OPRM1: variants seen among roughly 807,000 people sequenced by gnomAD.
The protein encoded by OPRM1 is opioid receptor mu 1, also known as mu-type opioid receptor.
In OPRM1, 27 loss-of-function variants were observed where a neutral mutation model predicts 31.8. That is an observed-to-expected ratio of 0.85 (90% CI 0.63 to 1.17). The LOEUF is 1.17. OPRM1 is among the 50% of genes most tolerant of loss of function. The pLI is 0.00. For missense variants in OPRM1, 536 were observed against 511.1 expected (o/e 1.05, Z -0.47); for synonymous variants, 196 against 189.9 (o/e 1.03, Z -0.26).
intron 1 of OPRM1, among the ~76,000 whole-genome samples, chr6:154,053,184 A>T (rs900466838): frequency 1.3e-5 from 2 of 152,232 alleles, no homozygotes; most frequent in Non-Finnish European, 2.9e-5. Context: ...TATCTTAAGT[A>T]AGTGCAGTTT....
chr6:154,157,111 C>T (rs1798748311), intron 3 of OPRM1: 1 of 152,172 alleles, frequency 6.6e-6, no homozygotes, highest in African/African-American at 2.4e-5. Flanking sequence ...TGAAAGTAAT[C>T]CAGTTTTCCC....
intron 3 of OPRM1, among the ~76,000 whole-genome samples, chr6:154,206,074 T>C (rs1039280662): frequency 2.2e-4 from 34 of 152,132 alleles, no homozygotes; most frequent in Admixed American, 2.0e-4. Flanking sequence ...GGCACCCCCA[T>C]ATTGGTAACA....
In OPRM1 at chr6:154,016,399, T is replaced by C. The variant is rs1778005564; in HGVS notation, c.-1+5381T>C. 2.0e-5 allele frequency among the ~76,000 whole-genome samples: 3 copies of C among 152,182 alleles called. No homozygotes were observed. In the South Asian group the frequency reaches 6.2e-4, roughly 31 times the overall value. On this transcript the variant is annotated intron_variant, in intron 1 of 5. Transcript: ENST00000434900. ...AGGGAGGAGATAAAATTGTGTAGTGTGACAACAATTACCTAAGGATAGAAG... is the reference window on the plus strand; with the variant it reads ...AGGGAGGAGATAAAATTGTGTAGTGCGACAACAATTACCTAAGGATAGAAG...
At chr6:154,025,389 C>G (rs1778637786) in intron 1 of OPRM1, among the ~76,000 whole-genome samples, 1 of 151,852 alleles carries the variant, frequency 6.6e-6, no homozygotes, top group Non-Finnish European at 1.5e-5. Context: ...CTTTTTCTAT[C>G]TTTTTATTGT....
At chr6:154,031,607 C>T (rs1474592711) in intron 1 of OPRM1, among the ~76,000 whole-genome samples, 3 of 151,880 alleles carry the variant, frequency 2.0e-5, no homozygotes, top group African/African-American at 2.4e-5. Flanking sequence ...TGGGCATAGT[C>T]GTGCACGCCT....
rs377632201 is a variant in OPRM1, at chr6:154,128,565, T to C, written c.*9844T>C. Among the ~76,000 whole-genome samples, 17 of 152,196 alleles carry C rather than the reference T, an allele frequency of 1.1e-4. No individual in the cohort carries two copies. The East Asian group carries it at 1.2e-3, about 10-fold the overall frequency. ...AATATGGGCACCTCTTTTAATTCTT[T>C]TTTTTCTCATAATAAGTTTGAAACT... On this transcript the variant is annotated 3_prime_UTR_variant, in exon 4 of 4. Transcript: ENST00000330432.
At chr6:154,042,146 G>C (rs1228159548) in intron 1 of OPRM1, among the ~76,000 whole-genome samples, 2 of 152,178 alleles carry the variant, frequency 1.3e-5, no homozygotes, top group Non-Finnish European at 2.9e-5. Flanking sequence ...CCTGTGGCAG[G>C]CTGGGTTTTA....
At chr6:154,224,380 A>C (rs533864565) in intron 3 of OPRM1, among the ~76,000 whole-genome samples, 1 of 152,200 alleles carries the variant, frequency 6.6e-6, no homozygotes, top group African/African-American at 2.4e-5. Context: ...AACTTATCTA[A>C]ATTATTCACC....
At chr6:154,244,996 G>A (rs535984621) in intron 3 of OPRM1, among the ~76,000 whole-genome samples, 1 of 152,060 alleles carries the variant, frequency 6.6e-6, no homozygotes, top group African/African-American at 2.4e-5. Flanking sequence ...CAAAACAAAG[G>A]CCTGAAATAA....
chr6:154,184,388 GCA>G (rs1337599188), intron 3 of OPRM1, among the ~76,000 whole-genome samples: 2 of 151,974 alleles, frequency 1.3e-5, no homozygotes, highest in East Asian at 3.9e-4. Context: ...AGAAAATGAT[GCA>G]GTTATCAAAA....
chr6:154,050,600 G>A (rs1781995653), intron 1 of OPRM1, among the ~76,000 whole-genome samples: 1 of 151,994 alleles, frequency 6.6e-6, no homozygotes, highest in Admixed American at 6.6e-5. Context: ...ACCAGAGGCT[G>A]GAAAGGGTAG....
At chr6:154,057,429 A>G (rs1011487295) in intron 1 of OPRM1, among the ~76,000 whole-genome samples, 1 of 152,226 alleles carries the variant, frequency 6.6e-6, no homozygotes, top group African/African-American at 2.4e-5. Flanking sequence ...ACAGTATCAG[A>G]AAAACACTGT....
rs377175000 is a variant in OPRM1, at chr6:154,145,384, C to T, written c.1164+53912C>T. ...TGTTTGCAACGGACACATGGACAGCCAAATTAAATATACAATGCCATTTAC... is the reference window on the plus strand; with the variant it reads ...TGTTTGCAACGGACACATGGACAGCTAAATTAAATATACAATGCCATTTAC... On this transcript the variant is annotated intron_variant, in intron 3 of 3. Transcript: ENST00000337049. 8.0e-4 allele frequency among the ~76,000 whole-genome samples: 122 copies of T among 152,234 alleles called. 2 individuals are homozygous for T. The South Asian group carries it at 0.024, about 29-fold the overall frequency.
chr6:154,046,393 G>T (rs1357699979), intron 1 of OPRM1, among the ~76,000 whole-genome samples: 1 of 152,196 alleles, frequency 6.6e-6, no homozygotes, highest in Non-Finnish European at 1.5e-5. Context: ...TGTGTGCCAT[G>T]TAAAGGAAAT....
chr6:154,037,944 AAG>A (rs1199173767), upstream of OPRM1, among the ~76,000 whole-genome samples: 1 of 152,158 alleles, frequency 6.6e-6, no homozygotes, highest in Non-Finnish European at 1.5e-5. Context: ...AGCTCAATAT[AAG>A]AGAATTGTTA....
intron 3 of OPRM1, among the ~76,000 whole-genome samples, chr6:154,233,548 T>C (rs907951882): frequency 3.3e-5 from 5 of 152,124 alleles, no homozygotes; most frequent in Non-Finnish European, 7.3e-5. Flanking sequence ...TTGGTAAATG[T>C]TTTTGGCTAG....
At chr6:154,231,728 A>G (rs77901582) in intron 3 of OPRM1, among the ~76,000 whole-genome samples, 1,680 of 152,336 alleles carry the variant, frequency 0.011, 31 homozygotes, top group African/African-American at 0.039. Context: ...AACAAATAGA[A>G]AAGGGGGAAG....
At chr6:154,011,625 A>C (rs900735779) in intron 1 of OPRM1, among the ~76,000 whole-genome samples, 2 of 152,182 alleles carry the variant, frequency 1.3e-5, no homozygotes, top group Non-Finnish European at 2.9e-5. Context: ...AAGAAAAAGT[A>C]AAAATTATTC....
rs1411722881 is a variant in OPRM1 at position 154,039,433 on chromosome 6, AC to A, written c.-111del. The A allele has an allele frequency of 9.7e-6, 15 of 1,551,216 alleles. No individual in the cohort carries two copies. The highest frequency in any genetic ancestry group is 2.0e-5 in the Admixed American group (1 of 50,936). ...CAGCCAGGACTGGTTTCTGTAAGAA[AC>A]AGCAGGAGCTGTGGCAGCGGCGAAA... On this transcript the variant is annotated 5_prime_UTR_variant, in exon 1 of 4. Transcript: ENST00000330432.
Sources: gnomAD v4.1 joint callset for allele counts (sites outside exome capture counted in the v4.1 genomes callset) on GRCh38, gnomAD v4.1.1 for gene constraint, MANE v1.5 for transcripts, NCBI Gene and HGNC (gene_info 2026-07-23, HGNC 2026-07-21) for gene names.